The following NMD3 variants were observed in gnomAD, a reference collection of about 807,000 sequenced individuals.
The protein encoded by NMD3 is 60S ribosomal export protein NMD3.
NMD3 carries 47 observed loss-of-function variants against 73.1 expected under a neutral mutation model. The ratio of observed to expected loss-of-function variants is 0.64; its 90% CI spans 0.51 to 0.82. NMD3 has a LOEUF of 0.82. Among genes scored for constraint, NMD3 ranks in the 40% least tolerant of loss-of-function variants. NMD3 has a pLI of 0.00. For synonymous variants in NMD3, 210 were observed against 194.5 expected (o/e 1.08, Z -0.66); for missense variants, 554 against 612.5 (o/e 0.90, Z 1.01).
At position 161,222,053 on chromosome 3, in the gene NMD3, C is replaced by T. The variant is rs759159190; in HGVS notation, c.40C>T (p.His14Tyr). ...MAESTDRSPG[H>Y]ILCCECGVPI... ...AGAATCCACCGACCGCAGCCCTGGACACATGTGAGTGCGACACTTCTTCCT... is the reference window on the plus strand; with the variant it reads ...AGAATCCACCGACCGCAGCCCTGGATACATGTGAGTGCGACACTTCTTCCT... The change falls in exon 2 of 16, where the codon CAC becomes TAC. Residue 14 changes from histidine to tyrosine, a missense_variant. Coordinates refer to ENST00000351193, the MANE Select transcript of NMD3 (RefSeq NM_015938.5). 2.5e-6 allele frequency: 4 copies of T among 1,592,332 alleles called. No homozygotes were observed. Among genetic ancestry groups the T allele is most frequent in the Non-Finnish European group, 3.4e-6 (4 of 1,167,918 alleles).
intron 3 of NMD3, among the ~76,000 whole-genome samples, chr3:161,226,077 T>C (rs4370045): frequency 0.65 from 98,365 of 151,964 alleles, 33,957 homozygotes; most frequent in East Asian, 0.97. Context: ...AACTCTTAGC[T>C]GTTTATCATC....
chr3:161,241,618 ACTGTGTTGG>A, intron 10 of NMD3, among the ~76,000 whole-genome samples: 1 of 151,962 alleles, frequency 6.6e-6, no homozygotes, highest in Admixed American at 6.6e-5. Context: ...ACGGGGTTTC[ACTGTGTTGG>A]CCAGGCTGGT....
intron 5 of NMD3, 113 bp downstream of exon 5, chr3:161,233,592 A>G (rs953196821): frequency 7.1e-6 from 4 of 559,468 alleles, no homozygotes; most frequent in African/African-American, 1.9e-5. Flanking sequence ...AGTACACTCA[A>G]TTTTAGCTGT....
chr3:161,247,220 G>GTAAA, intron 12 of NMD3, 38 bp from the exon 13 acceptor site: 2 of 1,359,326 alleles, frequency 1.5e-6, no homozygotes, highest in Non-Finnish European at 2.1e-6. Flanking sequence ...CACACAAAGG[G>GTAAA]TAAATGGTCA....
At chr3:161,246,851 G>C (rs1015325440) in intron 12 of NMD3, among the ~76,000 whole-genome samples, 7 of 152,114 alleles carry the variant, frequency 4.6e-5, no homozygotes, top group African/African-American at 1.7e-4. Flanking sequence ...CTGAATCAGA[G>C]TTTTTCAGTG....
chr3:161,235,286 A>G, intron 7 of NMD3, 74 bp downstream of exon 7: 1 of 651,292 alleles, frequency 1.5e-6, no homozygotes, highest in East Asian at 2.9e-5. Flanking sequence ...TCTTATATTT[A>G]CTGATAATAT....
At chr3:161,244,546 A>T (rs972614032) in intron 11 of NMD3, among the ~76,000 whole-genome samples, 1 of 151,978 alleles carries the variant, frequency 6.6e-6, no homozygotes, top group Non-Finnish European at 1.5e-5. Flanking sequence ...CTTTGTGATT[A>T]TCATTGTGAT....
chr3:161,221,786 G>T lies in NMD3; in HGVS notation c.-20-208G>T, dbSNP rs971106708. The T allele has an allele frequency of 7.6e-6, 3 of 395,392 alleles. No individual in the cohort carries two copies. The Admixed American group carries it at 1.3e-4, about 17-fold the overall frequency. The allele number at this position is 395,392 out of a possible 1,614,324, so 24.5% of individuals were successfully genotyped here. On this transcript the variant is annotated intron_variant, in intron 1 of 15. Transcript: ENST00000351193. The stretch of plus-strand genomic sequence containing the variant: ...AGGGTCTTGCAGCTGGGAAGCTCAG[G>T]AAATCCCATGGTCCTCATCTTAAAG...
chr3:161,248,872 G>C (rs1332702125), intron 13 of NMD3, among the ~76,000 whole-genome samples: 1 of 152,126 alleles, frequency 6.6e-6, no homozygotes, highest in Non-Finnish European at 1.5e-5. Context: ...CACCTGCCCA[G>C]TTGTACTTTT....
At chr3:161,232,136 CTTT>C (rs11301799) in intron 4 of NMD3, among the ~76,000 whole-genome samples, 275 of 96,378 alleles carry the variant, frequency 2.9e-3, no homozygotes, top group African/African-American at 9.4e-3. Context: ...GCCTTTGGGG[CTTT>C]TTTTTTTTTT....
chr3:161,244,252 C>T (rs758384617), intron 11 of NMD3, among the ~76,000 whole-genome samples: 5 of 152,132 alleles, frequency 3.3e-5, no homozygotes, highest in Non-Finnish European at 5.9e-5. Flanking sequence ...GCCTCAGCCT[C>T]CTGAGTAGCT....
intron 4 of NMD3, 55 bp from the exon 5 acceptor site, chr3:161,233,344 T>C (rs1736613671): frequency 3.2e-6 from 4 of 1,269,164 alleles, no homozygotes; most frequent in Admixed American, 1.9e-5. Context: ...TCTTTCGTGT[T>C]TTTTTTCCTC....
Position 161,236,523 on chromosome 3 carries a change from ACT to A in NMD3, c.577+1314_577+1315del, listed in dbSNP as rs1736763747. Among the ~76,000 whole-genome samples the A allele has an allele frequency of 2.0e-5, 3 of 152,130 alleles. No homozygotes were observed. The South Asian group carries it at 6.2e-4, about 32-fold the overall frequency. On this transcript the variant is annotated intron_variant, in intron 7 of 15. Coordinates refer to ENST00000351193, the MANE Select transcript of NMD3 (RefSeq NM_015938.5). Reference sequence around the variant, plus strand: ...TCCTAGTGTGTAGGAGAAAATTCACACTCTATATTCTTAATGGTGTCCTTTGA... The same window carrying A: ...TCCTAGTGTGTAGGAGAAAATTCACACTATATTCTTAATGGTGTCCTTTGA...
intron 3 of NMD3, among the ~76,000 whole-genome samples, chr3:161,226,407 A>G (rs1277850911): frequency 1.3e-5 from 2 of 152,034 alleles, no homozygotes; most frequent in Admixed American, 6.5e-5. Context: ...GAGATCATAC[A>G]CTGCACTCCA....
intron 4 of NMD3, among the ~76,000 whole-genome samples, chr3:161,229,724 G>T (rs903323034): frequency 6.6e-6 from 1 of 152,208 alleles, no homozygotes; most frequent in Non-Finnish European, 1.5e-5. Context: ...CCTTTAATGG[G>T]TAATGATGAA....
At chr3:161,247,781 C>A (rs1399237140) in intron 13 of NMD3, among the ~76,000 whole-genome samples, 1 of 128,560 alleles carries the variant, frequency 7.8e-6, no homozygotes, top group Non-Finnish European at 1.6e-5. Flanking sequence ...AAGAACAAAA[C>A]TCAGTCTCAA....
intron 13 of NMD3, 138 bp downstream of exon 13, chr3:161,247,468 A>G (rs1737265559): frequency 2.0e-6 from 1 of 502,942 alleles, no homozygotes; most frequent in Non-Finnish European, 3.5e-6. Context: ...AAGGTATAAT[A>G]GCAAAATTTT....
At chr3:161,240,542 T>TTTTTTTTTTTTG (rs1736931457) in intron 9 of NMD3, among the ~76,000 whole-genome samples, 1 of 149,600 alleles carries the variant, frequency 6.7e-6, no homozygotes, top group Non-Finnish European at 1.5e-5. Flanking sequence ...TTTTTTTTTT[T>TTTTTTTTTTTTG]GAGAGACAGT....
chr3:161,246,458 A>G lies in NMD3; in HGVS notation c.1130+10A>G, dbSNP rs1737210897. The G allele has an allele frequency of 2.4e-6, 3 of 1,270,518 alleles. No homozygotes were observed. The highest frequency in any genetic ancestry group is 1.6e-5 in the South Asian group (1 of 61,082). The allele number at this position is 1,270,518 out of a possible 1,614,324, so 78.7% of individuals were successfully genotyped here. A position where few individuals can be genotyped will look rare whatever the true frequency, so the allele number is the denominator to read the frequency against. On this transcript the variant is annotated intron_variant, in intron 12 of 15. Coordinates refer to ENST00000351193, the MANE Select transcript of NMD3 (RefSeq NM_015938.5). ...GAGACCTGGTGTTAGGGTTTGTATT[A>G]TTTCATATTTTAAACTGCCAATTAG... is the stretch of plus-strand genomic sequence containing the variant.
Sources: gnomAD v4.1 joint callset for allele counts (sites outside exome capture counted in the v4.1 genomes callset) on GRCh38, gnomAD v4.1.1 for gene constraint, MANE v1.5 for transcripts, NCBI Gene and HGNC (gene_info 2026-07-23, HGNC 2026-07-21) for gene names.